UNC13B: variants seen among roughly 807,000 people sequenced by gnomAD.
The protein encoded by UNC13B is unc-13 homolog B, also known as protein unc-13 homolog B.
In UNC13B, 144 loss-of-function variants were observed where a neutral mutation model predicts 211.0. That is an observed-to-expected ratio of 0.68 (90% confidence interval 0.60 to 0.78). The LOEUF is 0.78. Among genes scored for constraint, UNC13B ranks in the 30% least tolerant of loss-of-function variants. The pLI, the probability that UNC13B is intolerant of heterozygous loss-of-function variation, is 0.00. For synonymous variants in UNC13B, 709 were observed against 725.8 expected, an observed-to-expected ratio of 0.98 and a Z score of 0.37; for missense variants, 1,777 against 2,002.0, an observed-to-expected ratio of 0.89 and a Z score of 2.14.
At chr9:35,168,703 CTTTTTTTT>C (rs34612376) in intron 1 of UNC13B, among the ~76,000 whole-genome samples, 2 of 135,852 alleles carry the variant, frequency 1.5e-5, no homozygotes, top group Admixed American at 7.5e-5. Context: ...GTATTACTTG[CTTTTTTTT>C]TTTTTTTTGA....
chr9:35,297,192 G>T (rs1829408398), intron 8 of UNC13B, among the ~76,000 whole-genome samples: 1 of 150,526 alleles, frequency 6.6e-6, no homozygotes, highest in Admixed American at 6.6e-5. Context: ...CGGTTCAAGT[G>T]ATTCTCGTGC....
At position 35,399,171 on chromosome 9, in the gene UNC13B, T is replaced by G; in HGVS notation, c.12085T>G (p.Phe4029Val). 1 of 1,614,190 alleles carries G rather than the reference T, an allele frequency of 6.2e-7. No individual in the cohort carries two copies. ...MDFLDGNLTLFATVCEKTVLK... is the reference protein window; with the variant it reads ...MDFLDGNLTLVATVCEKTVLK... Reference sequence around the variant, plus strand: ...TGCCTGGACTTGCAGCCTCACCCTCTTTGCCACTGTGTGTGAGAAGACGGT... The same window carrying G: ...TGCCTGGACTTGCAGCCTCACCCTCGTTGCCACTGTGTGTGAGAAGACGGT... The change falls in exon 34 of 40, where the codon TTT becomes GTT. Residue 4029 changes from phenylalanine to valine, a missense_variant. Coordinates refer to ENST00000635942, the MANE Select transcript of UNC13B (RefSeq NM_001371189.2).
intron 1 of UNC13B, among the ~76,000 whole-genome samples, chr9:35,202,660 T>G (rs1426250898): frequency 6.6e-6 from 1 of 152,192 alleles, no homozygotes; most frequent in Non-Finnish European, 1.5e-5. Flanking sequence ...TGTCAGAGAC[T>G]AGGATTGCAA....
intron 7 of UNC13B, among the ~76,000 whole-genome samples, chr9:35,284,908 A>G (rs1478646723): frequency 1.3e-5 from 2 of 152,232 alleles, no homozygotes; most frequent in Admixed American, 1.3e-4. Flanking sequence ...GTACTGGACT[A>G]CTAATGGGTG....
intron 1 of UNC13B, among the ~76,000 whole-genome samples, chr9:35,219,483 G>A (rs545092127): frequency 4.0e-4 from 61 of 152,064 alleles, no homozygotes; most frequent in African/African-American, 1.4e-3. Context: ...CAGGTGTGGT[G>A]GCACACACCT....
chr9:35,184,809 GGGGGGGAGAGA>G (rs1822262102), intron 1 of UNC13B, among the ~76,000 whole-genome samples: 4 of 112,792 alleles, frequency 3.5e-5, no homozygotes, highest in Non-Finnish European at 5.5e-5. Context: ...AGCGGGGGGG[GGGGGGGAGAGA>G]GAGAGAGAGA....
At chr9:35,265,301 C>G (rs1827503786) in intron 7 of UNC13B, among the ~76,000 whole-genome samples, 1 of 152,100 alleles carries the variant, frequency 6.6e-6, no homozygotes, top group African/African-American at 2.4e-5. Context: ...GGGCTGGGGC[C>G]CATTTAAGAA....
In UNC13B at chr9:35,301,168, A is replaced by G; in HGVS notation, c.1764A>G (p.Ala588=). 2.5e-6 allele frequency: 1 copy of G among 398,966 alleles called. No homozygotes were observed. The highest frequency in any genetic ancestry group is 3.6e-5 in the East Asian group (1 of 28,074). 24.7% of individuals were successfully genotyped at this position (398,966 alleles called of 1,614,324 possible). Residue 588 remains alanine (A), a synonymous_variant, in exon 9 of 40, where the codon GCA becomes GCG. Coordinates refer to ENST00000635942, the MANE Select transcript of UNC13B (RefSeq NM_001371189.2). ...TGGGATCTAAACCCAGAGCCATGGC[A>G]GTATTGGGGAAGGATCTTTCCATGC... ...INLGSKPRAM[A]VLGKDLSMQS... is the part of the protein sequence containing the mutation.
chr9:35,236,581 G>A lies in UNC13B; in HGVS notation c.265G>A (p.Asp89Asn). Residue 89 changes from aspartate (D) to asparagine (N), a missense_variant, in exon 4 of 40, where the codon GAT (aspartate) becomes AAT (asparagine). Transcript: ENST00000635942. Reference protein sequence around the residue: ...WIALKTIRQSDEEGPGEWSTL... With the variant: ...WIALKTIRQSNEEGPGEWSTL... ...TGCGCTGAAGACTATTCGTCAGTCG[G>A]ATGAGGTCAGTCATTGCATTTTCTG... 1 of 1,613,654 alleles carries A rather than the reference G, an allele frequency of 6.2e-7. No homozygotes were observed.
intron 13 of UNC13B, among the ~76,000 whole-genome samples, chr9:35,374,655 G>C (rs1400560925): frequency 1.3e-5 from 2 of 152,222 alleles, no homozygotes; most frequent in Non-Finnish European, 2.9e-5. Context: ...AGCCATCCAG[G>C]GATTATGTGG....
At chr9:35,197,311 A>G (rs2131362080) in intron 1 of UNC13B, among the ~76,000 whole-genome samples, 1 of 152,110 alleles carries the variant, frequency 6.6e-6, no homozygotes, top group South Asian at 2.1e-4. Context: ...AGGTTCAAGC[A>G]ATCCTCCCAC....
At chr9:35,258,179 C>T (rs567432803) in intron 6 of UNC13B, among the ~76,000 whole-genome samples, 3 of 152,276 alleles carry the variant, frequency 2.0e-5, no homozygotes, top group South Asian at 2.1e-4. Context: ...TAAGTGACCA[C>T]GTCAGGATGA....
intron 1 of UNC13B, among the ~76,000 whole-genome samples, chr9:35,208,338 T>C (rs768227871): frequency 6.6e-6 from 1 of 152,208 alleles, no homozygotes; most frequent in Non-Finnish European, 1.5e-5. Flanking sequence ...GGAATTCATA[T>C]AATAAAATGC....
intron 1 of UNC13B, among the ~76,000 whole-genome samples, chr9:35,169,079 G>A (rs1821201102): frequency 6.6e-6 from 1 of 152,190 alleles, no homozygotes; most frequent in South Asian, 2.1e-4. Flanking sequence ...GGACAGGTGA[G>A]GTGGCTCATG....
At chr9:35,211,019 A>C (rs1251920916) in intron 1 of UNC13B, among the ~76,000 whole-genome samples, 7 of 152,152 alleles carry the variant, frequency 4.6e-5, no homozygotes, top group Non-Finnish European at 2.9e-5. Flanking sequence ...ACAGGAGTGC[A>C]ATACTGTGCT....
At chr9:35,241,294 A>G (rs576700091) in intron 5 of UNC13B, among the ~76,000 whole-genome samples, 4 of 152,288 alleles carry the variant, frequency 2.6e-5, no homozygotes, top group Admixed American at 1.3e-4. Flanking sequence ...AACTATTTGT[A>G]TAATACATTT....
At chr9:35,255,859 T>C (rs1273462458) in intron 6 of UNC13B, among the ~76,000 whole-genome samples, 1 of 152,224 alleles carries the variant, frequency 6.6e-6, no homozygotes, top group East Asian at 1.9e-4. Flanking sequence ...AAAGGCAGAC[T>C]GGTCCCCGGG....
chr9:35,222,765 AT>A (rs1315503925), intron 1 of UNC13B, among the ~76,000 whole-genome samples: 6 of 152,224 alleles, frequency 3.9e-5, no homozygotes, highest in African/African-American at 9.6e-5. Flanking sequence ...ATTGATAACT[AT>A]AATCACCCCA....
At chr9:35,248,484 T>C (rs186393377) in intron 6 of UNC13B, among the ~76,000 whole-genome samples, 3 of 152,314 alleles carry the variant, frequency 2.0e-5, no homozygotes, top group African/African-American at 7.2e-5. Flanking sequence ...CTTTCTCTTG[T>C]GGCCATTTAG....
Sources: allele counts gnomAD v4.1 joint callset (sites outside exome capture counted in the v4.1 genomes callset), GRCh38; gene constraint gnomAD v4.1.1; transcripts MANE v1.5; gene names NCBI Gene and HGNC (gene_info 2026-07-23, HGNC 2026-07-21).